SANBR: variants seen among roughly 807,000 people sequenced by gnomAD.
The protein encoded by SANBR is SANT and BTB domain regulator of class switch recombination.
In SANBR, 77 loss-of-function variants were observed where a neutral mutation model predicts 101.8. That is an observed-to-expected ratio of 0.76 (90% confidence interval 0.63 to 0.91). SANBR has a LOEUF of 0.91. Ranked by LOEUF, SANBR falls within the 40% of genes least tolerant of loss-of-function variation. The pLI is 0.00. For missense variants in SANBR, 875 were observed against 853.0 expected (o/e 1.03, Z -0.32); for synonymous variants, 279 against 274.7 (o/e 1.02, Z -0.15).
chr2:61,089,816 T>C (rs1682646175), intron 10 of SANBR: 1 of 152,414 alleles, frequency 6.6e-6, no homozygotes, highest in Admixed American at 6.5e-5. Context: ...TTCTTTGACA[T>C]CCTTCATCCA....
intron 13 of SANBR, among the ~76,000 whole-genome samples, chr2:61,105,915 C>T (rs527820920): frequency 2.6e-5 from 4 of 152,068 alleles, no homozygotes; most frequent in African/African-American, 9.7e-5. Flanking sequence ...CGTGATCCGC[C>T]CGCCTCGGCC....
In SANBR at chr2:61,067,737, T is replaced by C. The variant is rs998278639; in HGVS notation, c.-146-1112T>C. 6.7e-5 allele frequency among the ~76,000 whole-genome samples: 10 copies of C among 150,120 alleles called. 1 individual carries two copies. The highest frequency in any genetic ancestry group is 2.5e-4 in the African/African-American group (10 of 39,900). ...ATGAGAGAGGGAGCGCCACTCCGTC[T>C]TAACAACAACAACAACAACAACGCA... On this transcript the variant is annotated intron_variant, in intron 1 of 21. Transcript: ENST00000402291.
intron 3 of SANBR, 98 bp from the exon 4 acceptor site, chr2:61,071,508 C>G: frequency 5.9e-6 from 4 of 676,806 alleles, no homozygotes; most frequent in Non-Finnish European, 9.1e-6. Context: ...CAAGATCACA[C>G]CACTGCACTC....
intron 20 of SANBR, among the ~76,000 whole-genome samples, chr2:61,120,629 G>T (rs1684290074): frequency 6.6e-6 from 1 of 152,194 alleles, no homozygotes. Context: ...TCCTCTGGAG[G>T]CTGAGGTAGG....
chr2:61,105,694 A>T (rs1683526900), intron 13 of SANBR, among the ~76,000 whole-genome samples: 1 of 131,062 alleles, frequency 7.6e-6, no homozygotes, highest in Non-Finnish European at 1.6e-5. Context: ...TTTTTTTGAG[A>T]TGGAGTCTCG....
chr2:61,105,676 CCTTT>C (rs1683525786), intron 13 of SANBR, among the ~76,000 whole-genome samples: 1 of 140,702 alleles, frequency 7.1e-6, no homozygotes, highest in African/African-American at 2.7e-5. Flanking sequence ...GCACCCCCCT[CCTTT>C]CTTTTTTTTT....
At position 61,122,541 on chromosome 2, in the gene SANBR, C is replaced by CAT; in HGVS notation, c.*380_*381dup. ...GAACACAACTGGTAGTGTTACCATG[C>CAT]ATGGCACTGATTGTAGTATGTCTTT... On this transcript the variant is annotated 3_prime_UTR_variant, in exon 22 of 22. Coordinates refer to ENST00000402291, the MANE Select transcript of SANBR (RefSeq NM_001129993.3). The CAT allele has an allele frequency of 1.0e-6, 1 of 1,000,570 alleles. No homozygotes were observed. Among genetic ancestry groups the CAT allele is most frequent in the Non-Finnish European group, 1.2e-6 (1 of 840,000 alleles). The allele number at this position is 1,000,570 out of a possible 1,614,324, so 62.0% of individuals were successfully genotyped here.
chr2:61,108,284 C>G (rs1448595194), intron 14 of SANBR, 33 bp from the exon 15 acceptor site: 8 of 1,459,082 alleles, frequency 5.5e-6, no homozygotes, highest in South Asian at 1.3e-5. Flanking sequence ...TAGGTAAATG[C>G]AGATTTATTA....
At chr2:61,136,757 G>A (rs1444280474) in intron 21 of SANBR, among the ~76,000 whole-genome samples, 1 of 151,740 alleles carries the variant, frequency 6.6e-6, no homozygotes, top group East Asian at 1.9e-4. Flanking sequence ...GGATCACGAG[G>A]TCAGGAGTTC....
chr2:61,097,466 C>T (rs1683084096), intron 11 of SANBR, among the ~76,000 whole-genome samples: 1 of 151,988 alleles, frequency 6.6e-6, no homozygotes, highest in Non-Finnish European at 1.5e-5. Flanking sequence ...TCACCATCAT[C>T]CAATTTTAGC....
At chr2:61,078,714 G>A (rs1456612626) in intron 6 of SANBR, among the ~76,000 whole-genome samples, 2 of 152,172 alleles carry the variant, frequency 1.3e-5, no homozygotes, top group Non-Finnish European at 2.9e-5. Flanking sequence ...GAGCCACGGC[G>A]CCCGACCTAA....
At chr2:61,104,770 TA>T (rs556252804) in intron 13 of SANBR, among the ~76,000 whole-genome samples, 1 of 151,976 alleles carries the variant, frequency 6.6e-6, no homozygotes, top group Admixed American at 6.6e-5. Context: ...GAGGACTCTT[TA>T]AAAGAGGCTG....
chr2:61,093,470 C>T (rs1168908215), intron 11 of SANBR: 1 of 152,238 alleles, frequency 6.6e-6, no homozygotes, highest in African/African-American at 2.4e-5. Context: ...TGGCGCATGC[C>T]TGTAATCCCA....
intron 12 of SANBR, among the ~76,000 whole-genome samples, chr2:61,102,616 C>A (rs1482585402): frequency 1.3e-5 from 2 of 151,902 alleles, no homozygotes; most frequent in Middle Eastern, 6.8e-3. Flanking sequence ...TGGCTCACTG[C>A]AACCTCCGCC....
intron 10 of SANBR, 90 bp downstream of exon 10, chr2:61,088,558 C>A: frequency 1.2e-6 from 1 of 862,958 alleles, no homozygotes; most frequent in Non-Finnish European, 1.7e-6. Context: ...CTTACTCTGT[C>A]ACCCAGGCTG....
At chr2:61,080,336 A>G (rs1004478101) in intron 6 of SANBR, among the ~76,000 whole-genome samples, 7 of 152,174 alleles carry the variant, frequency 4.6e-5, no homozygotes, top group Non-Finnish European at 7.3e-5. Context: ...TTAAATTTCT[A>G]ATAACCTGCC....
chr2:61,075,498 A>G (rs973739176), intron 5 of SANBR, among the ~76,000 whole-genome samples: 25 of 152,036 alleles, frequency 1.6e-4, no homozygotes, highest in African/African-American at 5.1e-4. Flanking sequence ...GGCTCAAGCA[A>G]TCCTCCTGCC....
chr2:61,137,351 C>T (rs370577398), intron 21 of SANBR: 3 of 152,132 alleles, frequency 2.0e-5, no homozygotes, highest in African/African-American at 4.8e-5. Context: ...GTTGGCAAAA[C>T]GACATCTCCT....
chr2:61,098,231 G>A (rs1331339474), intron 12 of SANBR, among the ~76,000 whole-genome samples: 3 of 151,582 alleles, frequency 2.0e-5, no homozygotes, highest in Admixed American at 2.0e-4. Context: ...AGCCTTCTGA[G>A]TAGCTGGGAC....
Sources: gnomAD v4.1 joint callset for allele counts (sites outside exome capture counted in the v4.1 genomes callset) on GRCh38, gnomAD v4.1.1 for gene constraint, MANE v1.5 for transcripts, NCBI Gene and HGNC (gene_info 2026-07-23, HGNC 2026-07-21) for gene names.